Variants in ABCB10 observed in about 807,000 individuals in gnomAD.
The protein encoded by ABCB10 is ATP-binding cassette sub-family B member 10, mitochondrial.
A neutral mutation model predicts 65.4 loss-of-function variants in ABCB10; 54 were observed. That is an observed-to-expected ratio of 0.83 (90% CI 0.66 to 1.04). The LOEUF (loss-of-function observed/expected upper bound fraction) is 1.04. ABCB10 is among the 50% of genes least tolerant of loss of function. ABCB10 has a pLI of 0.00. For synonymous variants in ABCB10, 418 were observed against 406.5 expected (o/e 1.03, Z -0.34); for missense variants, 846 against 976.6 (o/e 0.87, Z 1.78).
At chr1:229,537,768 C>A (rs964250053) in intron 6 of ABCB10, among the ~76,000 whole-genome samples, 1 of 152,096 alleles carries the variant, frequency 6.6e-6, no homozygotes, top group African/African-American at 2.4e-5. Flanking sequence ...CCAGCTTGGG[C>A]GACAGAGCAA....
intron 1 of ABCB10, among the ~76,000 whole-genome samples, chr1:229,554,389 G>A (rs1005259875): frequency 1.3e-5 from 2 of 152,162 alleles, no homozygotes; most frequent in Admixed American, 1.3e-4. Context: ...ATGCTCTAGA[G>A]TTAGGAGTAT....
At chr1:229,541,667 T>C (rs1316249723) in intron 4 of ABCB10, among the ~76,000 whole-genome samples, 2 of 152,012 alleles carry the variant, frequency 1.3e-5, no homozygotes, top group Admixed American at 6.6e-5. Flanking sequence ...TGGCTAGGTA[T>C]GGTGGTTCAT....
At chr1:229,528,315 T>A (rs979299201) in intron 8 of ABCB10, among the ~76,000 whole-genome samples, 12 of 149,000 alleles carry the variant, frequency 8.1e-5, no homozygotes, top group Non-Finnish European at 3.0e-5. Context: ...TAAATAGGAT[T>A]TTTTTTGGTC....
intron 4 of ABCB10, among the ~76,000 whole-genome samples, chr1:229,541,455 G>A (rs1404802957): frequency 6.6e-6 from 1 of 152,120 alleles, no homozygotes; most frequent in African/African-American, 2.4e-5. Flanking sequence ...TCAAACTCCT[G>A]ACCTCAGGTG....
chr1:229,527,574 C>T (rs960214730), intron 8 of ABCB10, among the ~76,000 whole-genome samples: 41 of 152,136 alleles, frequency 2.7e-4, no homozygotes, highest in African/African-American at 9.4e-4. Flanking sequence ...TCCTGTACTC[C>T]GGAGGTTGTA....
intron 10 of ABCB10, among the ~76,000 whole-genome samples, chr1:229,522,542 C>T (rs141777149): frequency 9.2e-4 from 140 of 152,324 alleles, no homozygotes; most frequent in Non-Finnish European, 1.8e-3. Flanking sequence ...GAGACAGACC[C>T]TATAATTATT....
intron 1 of ABCB10, among the ~76,000 whole-genome samples, chr1:229,556,823 C>G (rs1460720978): frequency 6.6e-6 from 1 of 152,174 alleles, no homozygotes; most frequent in African/African-American, 2.4e-5. Context: ...GTGGTATGGT[C>G]ATTTATTCCT....
rs149869921 is a variant in ABCB10 at position 229,519,249 on chromosome 1, T to A, written c.1951-374A>T. 3.5e-3 allele frequency: 572 copies of A among 164,440 alleles called. 9 individuals carry two copies. The East Asian group carries it at 0.05, about 14-fold the overall frequency. 10.2% of individuals were successfully genotyped at this position (164,440 alleles called of 1,614,324 possible). On this transcript the variant is annotated intron_variant, in intron 11 of 12. Coordinates refer to ENST00000344517, the MANE Select transcript of ABCB10 (RefSeq NM_012089.3). ...AAAACCAATGAATTTATTTTTTAAA[T>A]GGGCAAATTATGTAGTATGTGAATT... is the stretch of plus-strand genomic sequence containing the variant.
chr1:229,529,020 G>C (rs889297275), intron 8 of ABCB10, among the ~76,000 whole-genome samples: 1 of 152,042 alleles, frequency 6.6e-6, no homozygotes, highest in Non-Finnish European at 1.5e-5. Flanking sequence ...GGCTGGGCGC[G>C]GTGGCTCACG....
chr1:229,525,824 C>G (rs377690832), intron 10 of ABCB10, 112 bp downstream of exon 10: 1 of 1,313,740 alleles, frequency 7.6e-7, no homozygotes, highest in East Asian at 2.4e-5. Context: ...GGTGACAGAG[C>G]AAGACTCAAG....
Position 229,517,118 on chromosome 1 carries a change from T to G in ABCB10, c.*1061A>C, listed in dbSNP as rs898757276. The G allele has an allele frequency of 6.6e-6, 1 of 151,728 alleles. No homozygotes were observed. The highest frequency in any genetic ancestry group is 1.5e-5 in the Non-Finnish European group (1 of 68,032). 9.4% of individuals were successfully genotyped at this position (151,728 alleles called of 1,614,324 possible). On this transcript the variant is annotated 3_prime_UTR_variant, in exon 13 of 13. Coordinates refer to ENST00000344517, the MANE Select transcript of ABCB10 (RefSeq NM_012089.3). ...GGTTGTAGCATTGCTTTAGGAATTTTGAGACTATAAATAAAACTATAACCA... is the reference window on the plus strand; with the variant it reads ...GGTTGTAGCATTGCTTTAGGAATTTGGAGACTATAAATAAAACTATAACCA...
chr1:229,555,439 T>C (rs894746568), intron 1 of ABCB10, among the ~76,000 whole-genome samples: 7 of 152,262 alleles, frequency 4.6e-5, no homozygotes, highest in Non-Finnish European at 1.0e-4. Context: ...AAGGGGCGGC[T>C]TAGGCCTTCC....
Position 229,558,104 on chromosome 1 carries a change from CGGCGGAGGGAAGT to C in ABCB10, c.517+19_517+31del. The C allele has an allele frequency of 7.5e-7, 1 of 1,329,880 alleles. No homozygotes were observed. The highest frequency in any genetic ancestry group is 1.5e-5 in the African/African-American group (1 of 64,890). The allele number at this position is 1,329,880 out of a possible 1,614,324, so 82.4% of individuals were successfully genotyped here. A position where few individuals can be genotyped will look rare whatever the true frequency, so the allele number is the denominator to read the frequency against. ...CCCCGCGTGTGGAGAAGGAGAGGCC[CGGCGGAGGGAAGT>C]GGCCGGGGAGGACCCTACCTGCCAG... On this transcript the variant is annotated intron_variant, in intron 1 of 12. Transcript: ENST00000344517.
Position 229,558,654 on chromosome 1 carries a change from G to A in ABCB10, c.-2C>T. ...CGGCCAGGCAGGGGGGCCTCGCATG[G>A]CGCTGCGTGCGACCCGTACGCCTCA... On this transcript the variant is annotated 5_prime_UTR_variant, in exon 1 of 13. Transcript: ENST00000344517. 1 of 1,338,438 alleles carries A rather than the reference G, an allele frequency of 7.5e-7. No individual in the cohort carries two copies. The highest frequency in any genetic ancestry group is 9.5e-7 in the Non-Finnish European group (1 of 1,047,642). 82.9% of individuals were successfully genotyped at this position (1,338,438 alleles called of 1,614,324 possible).
intron 6 of ABCB10, among the ~76,000 whole-genome samples, chr1:229,535,746 G>A (rs1403102433): frequency 6.8e-6 from 1 of 146,020 alleles, no homozygotes; most frequent in Non-Finnish European, 1.5e-5. Flanking sequence ...TTTTTTTTGA[G>A]ACAGAGTCTC....
intron 1 of ABCB10, among the ~76,000 whole-genome samples, chr1:229,552,860 T>C (rs1263441738): frequency 3.9e-5 from 6 of 152,068 alleles, no homozygotes; most frequent in Non-Finnish European, 8.8e-5. Flanking sequence ...AATTTACACA[T>C]CACAGAACCA....
At chr1:229,548,118 C>G (rs755211945) in intron 2 of ABCB10, among the ~76,000 whole-genome samples, 1 of 151,960 alleles carries the variant, frequency 6.6e-6, no homozygotes, top group Non-Finnish European at 1.5e-5. Context: ...CCTCCCACCT[C>G]AGCCTCCTGG....
chr1:229,516,940 A>C lies in ABCB10; in HGVS notation c.*1239T>G, dbSNP rs1327131374. 1 of 152,196 alleles carries C rather than the reference A, an allele frequency of 6.6e-6. No homozygotes were observed. Among genetic ancestry groups the C allele is most frequent in the Non-Finnish European group, 1.5e-5 (1 of 68,020 alleles). The allele number at this position is 152,196 out of a possible 1,614,324, so 9.4% of individuals were successfully genotyped here. The stretch of plus-strand genomic sequence containing the variant: ...GTTTCTTCTTCCAGTCTAATCAGGG[A>C]ACTAATAAATGCTTAGTTCATGGGA... On this transcript the variant is annotated 3_prime_UTR_variant, in exon 13 of 13. Coordinates refer to ENST00000344517, the MANE Select transcript of ABCB10 (RefSeq NM_012089.3).
At chr1:229,551,930 T>C (rs1558129574) in intron 1 of ABCB10, among the ~76,000 whole-genome samples, 1 of 152,218 alleles carries the variant, frequency 6.6e-6, no homozygotes, top group Admixed American at 6.5e-5. Flanking sequence ...TATATAAAGG[T>C]CCACCTCTTC....
Sources: gnomAD v4.1 joint callset for allele counts (sites outside exome capture counted in the v4.1 genomes callset) on GRCh38, gnomAD v4.1.1 for gene constraint, MANE v1.5 for transcripts, NCBI Gene and HGNC (gene_info 2026-07-23, HGNC 2026-07-21) for gene names.